PDP1: variants seen among roughly 807,000 people sequenced by gnomAD.
PDP1 encodes pyruvate dehydrogenase phosphatase catalytic subunit 1.
Under a neutral mutation model 37.1 loss-of-function variants are expected in PDP1, and 14 were observed. The ratio of observed to expected loss-of-function variants is 0.38; its 90% confidence interval spans 0.25 to 0.59. The LOEUF (loss-of-function observed/expected upper bound fraction) is 0.59. PDP1 is among the 20% of genes least tolerant of loss of function. PDP1 has a pLI of 0.67. For synonymous variants in PDP1, 251 were observed against 243.3 expected, an observed-to-expected ratio of 1.03 and a Z score of -0.29; for missense variants, 544 against 655.3, an observed-to-expected ratio of 0.83 and a Z score of 1.85.
intron 1 of PDP1, 27 bp from the exon 2 acceptor site, chr8:93,921,989 T>G: frequency 1.4e-6 from 2 of 1,468,672 alleles, no homozygotes; most frequent in Non-Finnish European, 1.9e-6. Flanking sequence ...CTTTCCTTTG[T>G]GTACATCTGT....
intron 1 of PDP1, chr8:93,920,976 G>A (rs1810250552): frequency 1.0e-6 from 1 of 983,836 alleles, no homozygotes; most frequent in South Asian, 4.7e-5. Flanking sequence ...CCTTATAGCT[G>A]CTAAGCAGGG....
rs753371996 is a variant in PDP1 at position 93,916,978 on chromosome 8, C to T, written c.-146C>T. The stretch of plus-strand genomic sequence containing the variant: ...GGCAGGCCGGGGGTGAGGGCTCGCG[C>T]TCCGGGAGCTGCACGGGGCTGCGTG... On this transcript the variant is annotated 5_prime_UTR_variant, in exon 1 of 2. Coordinates refer to ENST00000297598, the MANE Select transcript of PDP1 (RefSeq NM_018444.4). 2.1e-6 allele frequency: 1 copy of T among 466,494 alleles called. No individual in the cohort carries two copies. The highest frequency in any genetic ancestry group is 4.2e-6 in the Non-Finnish European group (1 of 236,452). The allele number at this position is 466,494 out of a possible 1,614,324, so 28.9% of individuals were successfully genotyped here. A position where few individuals can be genotyped will look rare whatever the true frequency, so the allele number is the denominator to read the frequency against.
chr8:93,920,590 C>T, intron 1 of PDP1: 1 of 955,982 alleles, frequency 1.0e-6, no homozygotes, highest in Non-Finnish European at 1.2e-6. Flanking sequence ...CAAATAAATG[C>T]CCAGAAATTA....
At position 93,922,192 on chromosome 8, in the gene PDP1, A is replaced by G. The variant is rs1038084499; in HGVS notation, c.133A>G (p.Arg45Gly). Reference sequence around the variant, plus strand: ...ATCGTACATTCCTCAGAGTCGACTGAGATACACACCTCATCCAGCATATGC... The same window carrying G: ...ATCGTACATTCCTCAGAGTCGACTGGGATACACACCTCATCCAGCATATGC... ...SSSYIPQSRLRYTPHPAYATF... is the reference protein window; with the variant it reads ...SSSYIPQSRLGYTPHPAYATF... The change falls in exon 2 of 2, where the codon AGA becomes GGA. Residue 45 changes from arginine (R) to glycine (G), a missense_variant. By Grantham distance (125) the Arg-to-Gly change is moderately radical. Coordinates refer to ENST00000297598, the MANE Select transcript of PDP1 (RefSeq NM_018444.4). This position sits in a 1 kb window ranked among gnomAD's most constrained non-coding sequence, Gnocchi z 4.0. 3 of 1,614,242 alleles carry G rather than the reference A, an allele frequency of 1.9e-6. No individual in the cohort carries two copies. The highest frequency in any genetic ancestry group is 1.3e-5 in the African/African-American group (1 of 75,064).
chr8:93,920,723 C>CTTTTT, intron 1 of PDP1: 1 of 780,408 alleles, frequency 1.3e-6, no homozygotes, highest in Non-Finnish European at 1.5e-6. Flanking sequence ...AAGTAAATAC[C>CTTTTT]TTTTTTTTTT....
At position 93,922,568 on chromosome 8, in the gene PDP1, A is replaced by G; in HGVS notation, c.509A>G (p.His170Arg). 1 of 1,614,004 alleles carries G rather than the reference A, an allele frequency of 6.2e-7. No homozygotes were observed. Among genetic ancestry groups the G allele is most frequent in the East Asian group, 2.2e-5 (1 of 44,878 alleles). The change falls in exon 2 of 2, where the codon CAT becomes CGT. Residue 170 changes from histidine (H) to arginine (R), a missense_variant. His to Arg is a conservative substitution (Grantham distance 29). This residue lies in a region of PDP1 where 342 missense variants were observed against 414.0 expected (regional missense o/e 0.83). Coordinates refer to ENST00000297598, the MANE Select transcript of PDP1 (RefSeq NM_018444.4). The surrounding 1 kb of genome is among the most constrained non-coding windows in gnomAD (Gnocchi z 4.0). ...TATATTGCTGTCTCTTTGTTACCCC[A>G]TGAGACTTTGCTAGAGATTGAAAAT... is the stretch of plus-strand genomic sequence containing the variant. ...FYYIAVSLLP[H>R]ETLLEIENAV...
chr8:93,917,469 G>C (rs996476636), intron 1 of PDP1, among the ~76,000 whole-genome samples: 1 of 151,836 alleles, frequency 6.6e-6, no homozygotes, highest in East Asian at 1.9e-4. Flanking sequence ...GCCTGACACC[G>C]GCCGGCCCCT....
At chr8:93,920,668 A>T (rs1810240300) in intron 1 of PDP1, 2 of 940,562 alleles carry the variant, frequency 2.1e-6, no homozygotes, top group Non-Finnish European at 2.5e-6. Context: ...TACCTTTTCA[A>T]TCCAAACCTT....
chr8:93,918,719 C>T (rs1563514644), intron 1 of PDP1, among the ~76,000 whole-genome samples: 2 of 152,182 alleles, frequency 1.3e-5, no homozygotes. Flanking sequence ...CAAGAGCCTT[C>T]TACACTAATT....
chr8:93,923,440 C>T lies in PDP1; in HGVS notation c.1381C>T (p.Leu461Phe). ...GGTGACTCTGGGACAGATGCATGGCCTTTTAACAGAAAGGAGAACCAAAAT... is the reference window on the plus strand; with the variant it reads ...GGTGACTCTGGGACAGATGCATGGCTTTTTAACAGAAAGGAGAACCAAAAT... The part of the protein sequence containing the change: ...YKVTLGQMHG[L>F]LTERRTKMSS... The change falls in exon 2 of 2, where the codon CTT (leucine) becomes TTT (phenylalanine). Residue 461 changes from leucine (L) to phenylalanine (F), a missense_variant. Physicochemically the swap from Leu to Phe is conservative, Grantham distance 22. This residue lies in a region of PDP1 where 159 missense variants were observed against 165.5 expected (regional missense o/e 0.96). Transcript: ENST00000297598. The surrounding 1 kb of genome is among the most constrained non-coding windows in gnomAD (Gnocchi z 4.3). The T allele has an allele frequency of 1.3e-6, 2 of 1,596,964 alleles. No homozygotes were observed. The highest frequency in any genetic ancestry group is 1.7e-6 in the Non-Finnish European group (2 of 1,169,558).
intron 1 of PDP1, chr8:93,919,168 T>C: frequency 1.0e-6 from 1 of 960,364 alleles, no homozygotes; most frequent in Non-Finnish European, 1.2e-6. Flanking sequence ...AAGCACCTGC[T>C]GTGTCAATCA....
In PDP1 at chr8:93,922,273, G is replaced by T. The variant is rs761913953; in HGVS notation, c.214G>T (p.Ala72Ser). Residue 72 changes from alanine to serine, a missense_variant, in exon 2 of 2, where the codon GCT (alanine) becomes TCT (serine). Physicochemically the swap from Ala to Ser is moderately conservative, Grantham distance 99. This residue lies in a region of PDP1 where 342 missense variants were observed against 414.0 expected (regional missense o/e 0.83). Transcript: ENST00000297598. This position sits in a 1 kb window ranked among gnomAD's most constrained non-coding sequence, Gnocchi z 4.0. ...GCAGTACACCCAAGGAAGGAGATATGCTTCCACACCACAGAAATTTTACCT... is the reference window on the plus strand; with the variant it reads ...GCAGTACACCCAAGGAAGGAGATATTCTTCCACACCACAGAAATTTTACCT... Reference protein sequence around the residue: ...WWQYTQGRRYASTPQKFYLTP... With the variant: ...WWQYTQGRRYSSTPQKFYLTP... 15 of 1,614,022 alleles carry T rather than the reference G, an allele frequency of 9.3e-6. No individual in the cohort carries two copies. The highest frequency in any genetic ancestry group is 1.3e-5 in the Non-Finnish European group (15 of 1,179,984).
intron 1 of PDP1, chr8:93,921,236 G>C: frequency 1.0e-6 from 1 of 976,568 alleles, no homozygotes; most frequent in Non-Finnish European, 1.2e-6. Context: ...GGTTAGAAGA[G>C]TGAGACTCAA....
At chr8:93,918,202 A>G (rs1381846795) in intron 1 of PDP1, among the ~76,000 whole-genome samples, 2 of 152,242 alleles carry the variant, frequency 1.3e-5, no homozygotes, top group East Asian at 3.8e-4. Context: ...AAAAGATAGC[A>G]GGAGCTGTGA....
At position 93,923,077 on chromosome 8, in the gene PDP1, C is replaced by G; in HGVS notation, c.1018C>G (p.Gln340Glu). Reference protein sequence around the residue: ...PKSEAKSVVKQDRLLGLLMPF... With the variant: ...PKSEAKSVVKEDRLLGLLMPF... ...GAGTGAGGCCAAGAGTGTCGTGAAA[C>G]AGGATCGGCTGCTTGGCTTGCTGAT... Residue 340 changes from glutamine (Q) to glutamate (E), a missense_variant, in exon 2 of 2, where the codon CAG becomes GAG. Gln to Glu is a conservative substitution (Grantham distance 29). This residue lies in a region of PDP1 where 342 missense variants were observed against 414.0 expected (regional missense o/e 0.83). Transcript: ENST00000297598. This position sits in a 1 kb window ranked among gnomAD's most constrained non-coding sequence, Gnocchi z 4.3. 6.2e-7 allele frequency: 1 copy of G among 1,614,134 alleles called. No homozygotes were observed. Among genetic ancestry groups the G allele is most frequent in the Non-Finnish European group, 8.5e-7 (1 of 1,180,010 alleles).
At chr8:93,921,362 G>C (rs947540675) in intron 1 of PDP1, 1 of 982,314 alleles carries the variant, frequency 1.0e-6, no homozygotes, top group South Asian at 4.7e-5. Flanking sequence ...CCATCTACTG[G>C]GGTACAGGAG....
intron 1 of PDP1, 103 bp downstream of exon 1, chr8:93,917,182 G>A (rs1396292537): frequency 1.3e-5 from 5 of 398,920 alleles, no homozygotes; most frequent in Non-Finnish European, 2.4e-5. Context: ...CGGCGGCCGC[G>A]GGCGTGCGGA....
Position 93,923,588 on chromosome 8 carries a change from T to A in PDP1, c.1529T>A (p.Leu510His). The A allele has an allele frequency of 6.2e-7, 1 of 1,614,030 alleles. No individual in the cohort carries two copies. The highest frequency in any genetic ancestry group is 1.1e-5 in the South Asian group (1 of 91,086). Reference protein sequence around the residue: ...LSKMLSLPEELARMYRDDITI... With the variant: ...LSKMLSLPEEHARMYRDDITI... ...AAAATGCTTAGTCTTCCTGAAGAGC[T>A]TGCTCGAATGTACAGAGATGACATT... The change falls in exon 2 of 2, where the codon CTT becomes CAT. Residue 510 changes from leucine (L) to histidine (H), a missense_variant. Physicochemically the swap from Leu to His is moderately conservative, Grantham distance 99 (BLOSUM62 -3). This residue lies in a region of PDP1 where 159 missense variants were observed against 165.5 expected (regional missense o/e 0.96). Transcript: ENST00000297598. The surrounding 1 kb of genome is among the most constrained non-coding windows in gnomAD (Gnocchi z 4.3).
rs759570204 is a variant in PDP1, at chr8:93,923,425, G to A, written c.1366G>A (p.Gly456Arg). 6.2e-7 allele frequency: 1 copy of A among 1,601,822 alleles called. No homozygotes were observed. The change falls in exon 2 of 2, where the codon GGA (glycine) becomes AGA (arginine). Residue 456 changes from glycine (G) to arginine (R), a missense_variant. Transcript: ENST00000297598. The surrounding 1 kb of genome is among the most constrained non-coding windows in gnomAD (Gnocchi z 4.3). ...IAVGGYKVTLGQMHGLLTERR... is the reference protein window; with the variant it reads ...IAVGGYKVTLRQMHGLLTERR... ...TGTTGGTGGCTACAAGGTGACTCTGGGACAGATGCATGGCCTTTTAACAGA... is the reference window on the plus strand; with the variant it reads ...TGTTGGTGGCTACAAGGTGACTCTGAGACAGATGCATGGCCTTTTAACAGA...
Sources: allele counts gnomAD v4.1 joint callset (sites outside exome capture counted in the v4.1 genomes callset), GRCh38; gene constraint gnomAD v4.1.1; regional missense constraint gnomAD v4.1.1; non-coding constraint Gnocchi (gnomAD v3.1); transcripts MANE v1.5; gene names NCBI Gene and HGNC (gene_info 2026-07-23, HGNC 2026-07-21).